GALNTL6: variants seen among roughly 807,000 people sequenced by gnomAD.
The protein encoded by GALNTL6 is polypeptide N-acetylgalactosaminyltransferase like 6, also known as polypeptide N-acetylgalactosaminyltransferase-like 6.
GALNTL6 carries 46 observed loss-of-function variants against 73.7 expected under a neutral mutation model. The ratio of observed to expected loss-of-function variants is 0.62; its 90% CI spans 0.49 to 0.80. GALNTL6 has a LOEUF of 0.80. GALNTL6 is among the 30% of genes least tolerant of loss of function. GALNTL6 has a pLI of 0.00. For synonymous variants in GALNTL6, 259 were observed against 263.7 expected (o/e 0.98, Z 0.17); for missense variants, 604 against 755.0 (o/e 0.80, Z 2.34).
At chr4:172,606,280 C>A (rs1738254844) in intron 5 of GALNTL6, among the ~76,000 whole-genome samples, 1 of 151,314 alleles carries the variant, frequency 6.6e-6, no homozygotes, top group South Asian at 2.1e-4. Flanking sequence ...CATGGAGAAA[C>A]CCCGTCTCTA....
At chr4:173,026,762 A>G (rs1334998016) in intron 12 of GALNTL6, among the ~76,000 whole-genome samples, 2 of 152,072 alleles carry the variant, frequency 1.3e-5, no homozygotes, top group African/African-American at 4.8e-5. Context: ...TAAGTGCCTC[A>G]TTGGATGTAT....
intron 2 of GALNTL6, among the ~76,000 whole-genome samples, chr4:172,056,389 T>C (rs866647386): frequency 1.4e-4 from 21 of 152,138 alleles, no homozygotes; most frequent in Non-Finnish European, 2.4e-4. Context: ...GTTGACCATT[T>C]AAGCTGTTAA....
At chr4:172,001,807 C>T (rs1004060905) in intron 2 of GALNTL6, among the ~76,000 whole-genome samples, 6 of 152,136 alleles carry the variant, frequency 3.9e-5, no homozygotes, top group African/African-American at 7.2e-5. Context: ...TCACAGGAAA[C>T]GTACATGAAT....
intron 2 of GALNTL6, among the ~76,000 whole-genome samples, chr4:172,007,168 G>C (rs1335010072): frequency 1.3e-5 from 2 of 151,928 alleles, no homozygotes; most frequent in Admixed American, 6.6e-5. Flanking sequence ...ACAGAGAAAA[G>C]CTAAGAACAT....
At chr4:172,447,539 GAGA>G (rs2111413968) in intron 5 of GALNTL6, among the ~76,000 whole-genome samples, 1 of 152,162 alleles carries the variant, frequency 6.6e-6, no homozygotes, top group East Asian at 1.9e-4. Context: ...AAAGATAGCA[GAGA>G]AGAAGCCCAT....
At chr4:172,709,046 A>G (rs1036328624) in intron 5 of GALNTL6, among the ~76,000 whole-genome samples, 1 of 152,140 alleles carries the variant, frequency 6.6e-6, no homozygotes, top group South Asian at 2.1e-4. Context: ...TCTATTATTT[A>G]TGTCCCTACT....
chr4:172,034,428 G>A, intron 2 of GALNTL6, among the ~76,000 whole-genome samples: 1 of 98,378 alleles, frequency 1.0e-5, no homozygotes, highest in African/African-American at 3.5e-5. Context: ...GTGTGTGTGT[G>A]TGTGTGTGTG....
chr4:172,257,635 A>G (rs1286670006), intron 3 of GALNTL6, among the ~76,000 whole-genome samples: 1 of 151,386 alleles, frequency 6.6e-6, no homozygotes, highest in Non-Finnish European at 1.5e-5. Flanking sequence ...TTCAGCAGAA[A>G]TACTTGAACT....
chr4:171,979,888 GA>G (rs1450750441), intron 2 of GALNTL6, among the ~76,000 whole-genome samples: 1 of 152,042 alleles, frequency 6.6e-6, no homozygotes, highest in Non-Finnish European at 1.5e-5. Context: ...TTAGTTGGAA[GA>G]AACTATAGAA....
intron 5 of GALNTL6, among the ~76,000 whole-genome samples, chr4:172,436,212 A>G (rs1731630068): frequency 6.6e-6 from 1 of 152,182 alleles, no homozygotes; most frequent in Non-Finnish European, 1.5e-5. Context: ...AGAAGGCTGT[A>G]GCACCTCTTA....
chr4:172,971,333 T>C (rs929838417), intron 10 of GALNTL6, among the ~76,000 whole-genome samples: 3 of 152,202 alleles, frequency 2.0e-5, no homozygotes, highest in Non-Finnish European at 4.4e-5. Context: ...AAAGCAGTTA[T>C]AAATATTCAA....
chr4:172,386,687 T>G (rs1189630847), intron 5 of GALNTL6, among the ~76,000 whole-genome samples: 1 of 152,034 alleles, frequency 6.6e-6, no homozygotes, highest in Non-Finnish European at 1.5e-5. Flanking sequence ...TGGTTCAAGT[T>G]TCAGAGTCCA....
At chr4:172,663,006 A>G (rs1731460374) in intron 5 of GALNTL6, among the ~76,000 whole-genome samples, 1 of 152,198 alleles carries the variant, frequency 6.6e-6, no homozygotes, top group African/African-American at 2.4e-5. Flanking sequence ...GGGGAGAAGA[A>G]GTACAATGGC....
chr4:172,666,055 T>G (rs1381612671), intron 5 of GALNTL6, among the ~76,000 whole-genome samples: 1 of 152,192 alleles, frequency 6.6e-6, no homozygotes, highest in East Asian at 1.9e-4. Flanking sequence ...GATTCTTCAA[T>G]TTTTAGAAAT....
intron 5 of GALNTL6, among the ~76,000 whole-genome samples, chr4:172,411,028 T>C (rs1744415809): frequency 6.6e-6 from 1 of 152,186 alleles, no homozygotes; most frequent in African/African-American, 2.4e-5. Flanking sequence ...ACAGATTATG[T>C]ACATTCGTAA....
At chr4:172,270,574 T>C (rs899013347) in intron 3 of GALNTL6, among the ~76,000 whole-genome samples, 2 of 152,192 alleles carry the variant, frequency 1.3e-5, no homozygotes, top group African/African-American at 2.4e-5. Context: ...ACGGCTTCTC[T>C]GCCCTGACAG....
chr4:172,758,345 G>A (rs1737869944), intron 5 of GALNTL6, among the ~76,000 whole-genome samples: 1 of 152,098 alleles, frequency 6.6e-6, no homozygotes, highest in Non-Finnish European at 1.5e-5. Flanking sequence ...GACTAGCCTG[G>A]CCAACATGGC....
At chr4:171,972,055 A>G (rs1364769438) in intron 2 of GALNTL6, among the ~76,000 whole-genome samples, 1 of 152,160 alleles carries the variant, frequency 6.6e-6, no homozygotes, top group Non-Finnish European at 1.5e-5. Flanking sequence ...AATTCTCTGA[A>G]GCAAGACCCA....
At chr4:172,708,740 T>C (rs1579372357) in intron 5 of GALNTL6, among the ~76,000 whole-genome samples, 1 of 152,218 alleles carries the variant, frequency 6.6e-6, no homozygotes, top group East Asian at 1.9e-4. Flanking sequence ...GTGGTTTTAA[T>C]GAAAACATCT....
Sources: gnomAD v4.1 joint callset for allele counts (sites outside exome capture counted in the v4.1 genomes callset) on GRCh38, gnomAD v4.1.1 for gene constraint, MANE v1.5 for transcripts, NCBI Gene and HGNC (gene_info 2026-07-23, HGNC 2026-07-21) for gene names.